The following GRM8 variants were observed in gnomAD, a reference collection of about 807,000 sequenced individuals.
The protein encoded by GRM8 is metabotropic glutamate receptor 8.
In GRM8, 47 loss-of-function variants were observed where a neutral mutation model predicts 87.2. The observed-to-expected ratio is 0.54, with a 90% CI of 0.43 to 0.69. The LOEUF (loss-of-function observed/expected upper bound fraction) is 0.69. GRM8 is among the 30% of genes least tolerant of loss of function. The pLI, the probability that GRM8 is intolerant of heterozygous loss-of-function variation, is 0.00. For missense variants in GRM8, 1,019 were observed against 1,139.2 expected (o/e 0.89, Z 1.52); for synonymous variants, 396 against 404.5 (o/e 0.98, Z 0.25).
At chr7:126,697,827 G>T (rs921808417) in intron 7 of GRM8, among the ~76,000 whole-genome samples, 1 of 152,078 alleles carries the variant, frequency 6.6e-6, no homozygotes, top group African/African-American at 2.4e-5. Context: ...CCTAAGTGTT[G>T]CTCACATCTC....
At chr7:126,502,408 A>G (rs1234940058) in intron 9 of GRM8, among the ~76,000 whole-genome samples, 1 of 152,108 alleles carries the variant, frequency 6.6e-6, no homozygotes, top group Non-Finnish European at 1.5e-5. Context: ...CTACCTGCTT[A>G]AAGTGTTACA....
chr7:127,203,084 T>A (rs1795702183), intron 2 of GRM8, among the ~76,000 whole-genome samples: 1 of 152,216 alleles, frequency 6.6e-6, no homozygotes, highest in African/African-American at 2.4e-5. Context: ...CATGGTTGAA[T>A]CCATATTAAT....
rs568031147 is a variant in GRM8 at position 126,473,942 on chromosome 7, C to G, written c.2431-27570G>C. On this transcript the variant is annotated intron_variant, in intron 9 of 10. Coordinates refer to ENST00000339582, the MANE Select transcript of GRM8 (RefSeq NM_000845.3). ...CCTTCCACCATGATTGTGATGCCTCCCAAGCCATGTGGAACTATGAATCCA... is the reference window on the plus strand; with the variant it reads ...CCTTCCACCATGATTGTGATGCCTCGCAAGCCATGTGGAACTATGAATCCA... Among the ~76,000 whole-genome samples the G allele has an allele frequency of 5.3e-5, 8 of 152,200 alleles. No homozygotes were observed. In the South Asian group the frequency reaches 1.7e-3, roughly 32 times the overall value.
At chr7:126,545,007 T>G (rs1816979814) in intron 8 of GRM8, among the ~76,000 whole-genome samples, 1 of 152,182 alleles carries the variant, frequency 6.6e-6, no homozygotes, top group African/African-American at 2.4e-5. Flanking sequence ...TATTACTTGT[T>G]TTTATCGTCC....
At chr7:126,692,329 G>T (rs1470949257) in intron 7 of GRM8, among the ~76,000 whole-genome samples, 1 of 152,180 alleles carries the variant, frequency 6.6e-6, no homozygotes, top group Non-Finnish European at 1.5e-5. Flanking sequence ...AACAGTAGCA[G>T]ATATGCTGAC....
intron 7 of GRM8, among the ~76,000 whole-genome samples, chr7:126,667,412 G>C (rs1393565701): frequency 6.6e-6 from 1 of 152,180 alleles, no homozygotes; most frequent in Admixed American, 6.5e-5. Flanking sequence ...ACACCTTGAA[G>C]CAAATTATTT....
chr7:126,774,920 A>G (rs1819246750), intron 6 of GRM8, among the ~76,000 whole-genome samples: 1 of 152,130 alleles, frequency 6.6e-6, no homozygotes, highest in Admixed American at 6.6e-5. Flanking sequence ...ATTGTCCTGA[A>G]ATTAGGCATA....
intron 3 of GRM8, among the ~76,000 whole-genome samples, chr7:127,008,045 C>A (rs1039144769): frequency 2.0e-5 from 3 of 151,778 alleles, no homozygotes; most frequent in Non-Finnish European, 2.9e-5. Flanking sequence ...GGCTTTCATA[C>A]GAAAGTGTAA....
At chr7:126,970,465 C>T (rs1810305365) in intron 3 of GRM8, among the ~76,000 whole-genome samples, 1 of 152,158 alleles carries the variant, frequency 6.6e-6, no homozygotes, top group Non-Finnish European at 1.5e-5. Flanking sequence ...TCTTTTTCTG[C>T]AGCTTCTTCA....
chr7:127,192,456 T>C (rs536133222), intron 2 of GRM8, among the ~76,000 whole-genome samples: 2 of 152,338 alleles, frequency 1.3e-5, no homozygotes, highest in East Asian at 3.9e-4. Context: ...TCTCAGATTC[T>C]AGACTATTCC....
chr7:126,550,405 CCCGG>C (rs1792462207), intron 8 of GRM8, among the ~76,000 whole-genome samples: 2 of 152,042 alleles, frequency 1.3e-5, no homozygotes, highest in African/African-American at 4.8e-5. Flanking sequence ...AGCCACCGCA[CCCGG>C]CCGAAAAAGT....
At chr7:126,599,129 T>C (rs1299295198) in intron 8 of GRM8, among the ~76,000 whole-genome samples, 1 of 152,110 alleles carries the variant, frequency 6.6e-6, no homozygotes, top group African/African-American at 2.4e-5. Context: ...TCTTCAGTAT[T>C]TGTAGGTCTG....
intron 3 of GRM8, among the ~76,000 whole-genome samples, chr7:127,038,711 T>C (rs1428980353): frequency 6.6e-6 from 1 of 152,042 alleles, no homozygotes; most frequent in African/African-American, 2.4e-5. Context: ...AATGGAAAAA[T>C]AAAATCTCCA....
rs1435329492 is a variant in GRM8, at chr7:126,706,193, A to T, written c.1357+63672T>A. The stretch of plus-strand genomic sequence containing the variant: ...AGTAGATTTTAAAAATCTATAGTAT[A>T]GGTGTTTTAATCAGGGGTCTCCAGA... On this transcript the variant is annotated intron_variant, in intron 7 of 10. Transcript: ENST00000339582. Among the ~76,000 whole-genome samples, 7 of 152,166 alleles carry T rather than the reference A, an allele frequency of 4.6e-5. No individual in the cohort carries two copies. The South Asian group carries it at 1.0e-3, about 23-fold the overall frequency.
intron 2 of GRM8, among the ~76,000 whole-genome samples, chr7:127,169,979 T>C (rs1400531972): frequency 2.0e-5 from 3 of 152,240 alleles, no homozygotes; most frequent in Non-Finnish European, 2.9e-5. Context: ...GTGATTTTCA[T>C]GCCTGCTAAC....
chr7:126,568,548 T>G (rs1794435952), intron 8 of GRM8, among the ~76,000 whole-genome samples: 2 of 152,082 alleles, frequency 1.3e-5, no homozygotes, highest in African/African-American at 4.8e-5. Flanking sequence ...TATTTAAACT[T>G]CATATAATTG....
At chr7:127,118,522 A>ATG (rs940149520) in intron 2 of GRM8, among the ~76,000 whole-genome samples, 1 of 152,162 alleles carries the variant, frequency 6.6e-6, no homozygotes, top group Non-Finnish European at 1.5e-5. Context: ...ATGTGTGCGT[A>ATG]TGTGTGTGTG....
chr7:126,712,892 C>T (rs180875803), intron 7 of GRM8, among the ~76,000 whole-genome samples: 10 of 152,214 alleles, frequency 6.6e-5, no homozygotes, highest in Non-Finnish European at 1.2e-4. Flanking sequence ...AAAACCACAA[C>T]GAGACACCAT....
At chr7:127,089,658 G>A (rs1354106867) in intron 3 of GRM8, among the ~76,000 whole-genome samples, 2 of 152,118 alleles carry the variant, frequency 1.3e-5, no homozygotes, top group Non-Finnish European at 2.9e-5. Flanking sequence ...TTAAGTTTTT[G>A]TACCCTAAAT....
Sources: allele counts gnomAD v4.1 joint callset (sites outside exome capture counted in the v4.1 genomes callset), GRCh38; gene constraint gnomAD v4.1.1; transcripts MANE v1.5; gene names NCBI Gene and HGNC (gene_info 2026-07-23, HGNC 2026-07-21).